CACNA1C: variants seen among roughly 807,000 people sequenced by gnomAD.
The protein encoded by CACNA1C is calcium voltage-gated channel subunit alpha1 C.
In CACNA1C, 30 loss-of-function variants were observed where a neutral mutation model predicts 229.0. The ratio of observed to expected loss-of-function variants is 0.13; its 90% CI spans 0.10 to 0.18. CACNA1C has a LOEUF of 0.18. CACNA1C is among the 10% of genes least tolerant of loss of function. The pLI, the probability that CACNA1C is intolerant of heterozygous loss-of-function variation, is 1.00. For synonymous variants in CACNA1C, 1,114 were observed against 1,132.5 expected (o/e 0.98, Z 0.33); for missense variants, 1,658 against 2,845.0 (o/e 0.58, Z 9.49).
chr12:2,582,180 A>T (rs1403300936), intron 14 of CACNA1C, among the ~76,000 whole-genome samples: 1 of 151,874 alleles, frequency 6.6e-6, no homozygotes, highest in Non-Finnish European at 1.5e-5. Flanking sequence ...GGAATCCTTT[A>T]CTTAAATTCT....
At chr12:2,487,222 T>G (rs2099701254) in intron 6 of CACNA1C, among the ~76,000 whole-genome samples, 1 of 151,840 alleles carries the variant, frequency 6.6e-6, no homozygotes, top group Non-Finnish European at 1.5e-5. Flanking sequence ...ATCCATCATC[T>G]TAGTTTTTAG....
intron 3 of CACNA1C, among the ~76,000 whole-genome samples, chr12:2,357,232 G>A (rs924749412): frequency 1.8e-4 from 28 of 152,180 alleles, no homozygotes; most frequent in African/African-American, 6.3e-4. Flanking sequence ...CTGGTTTCAA[G>A]TAGGTCTAAA....
chr12:2,302,914 G>A (rs544140228), intron 3 of CACNA1C, among the ~76,000 whole-genome samples: 162 of 152,350 alleles, frequency 1.1e-3, no homozygotes, highest in African/African-American at 3.5e-3. Flanking sequence ...TCCTGCTTTG[G>A]CTGGGCTTGC....
chr12:2,340,198 C>T (rs968439549), intron 3 of CACNA1C, among the ~76,000 whole-genome samples: 1 of 152,172 alleles, frequency 6.6e-6, no homozygotes, highest in Admixed American at 6.5e-5. Context: ...TACATAATAA[C>T]ATATATATGT....
At chr12:2,368,167 C>CT (rs1313777661) in intron 3 of CACNA1C, among the ~76,000 whole-genome samples, 1 of 73,588 alleles carries the variant, frequency 1.4e-5, no homozygotes, top group Admixed American at 1.5e-4. Flanking sequence ...AGAATGACAG[C>CT]TAATATGATA....
intron 1 of CACNA1C, among the ~76,000 whole-genome samples, chr12:2,056,604 GTAA>G (rs2055026208): frequency 6.6e-6 from 1 of 152,136 alleles, no homozygotes; most frequent in Non-Finnish European, 1.5e-5. Flanking sequence ...CTGTAATAAG[GTAA>G]TAATAATAAT....
chr12:2,387,207 G>A (rs530674554), intron 3 of CACNA1C, among the ~76,000 whole-genome samples: 4 of 152,270 alleles, frequency 2.6e-5, no homozygotes, highest in South Asian at 2.1e-4. Flanking sequence ...ATGACTGGCC[G>A]GGTGCAGTGG....
intron 30 of CACNA1C, among the ~76,000 whole-genome samples, chr12:2,645,195 T>C (rs1374164353): frequency 6.6e-6 from 1 of 152,208 alleles, no homozygotes; most frequent in Non-Finnish European, 1.5e-5. Flanking sequence ...TCAGGTTATG[T>C]AAGCAGCTCT....
chr12:2,322,891 CGT>C (rs1343842136), intron 3 of CACNA1C, among the ~76,000 whole-genome samples: 2 of 152,224 alleles, frequency 1.3e-5, no homozygotes, highest in East Asian at 3.8e-4. Context: ...ACTCCACAAA[CGT>C]GAGTGGTTGG....
rs1236794552 is a variant in CACNA1C, at chr12:2,142,724, G to C, written c.477+22294G>C. Among the ~76,000 whole-genome samples, 6 of 151,122 alleles carry C rather than the reference G, an allele frequency of 4.0e-5. 1 individual carries two copies. In the Admixed American group the frequency reaches 4.0e-4, roughly 10 times the overall value. On this transcript the variant is annotated intron_variant, in intron 3 of 46. Coordinates refer to ENST00000399655, the MANE Select transcript of CACNA1C (RefSeq NM_000719.7). ...CTTGATATCGACGATCCTGGCCTAG[G>C]CTAATGTGGACATTTGTGTGTTAGT...
chr12:2,052,951 C>T (rs932359828), upstream of CACNA1C: 5 of 977,954 alleles, frequency 5.1e-6, no homozygotes, highest in African/African-American at 7.1e-5. Context: ...GGGGCTGGGC[C>T]GGGGGGAGTG....
At position 2,448,086 on chromosome 12, in the gene CACNA1C, A is replaced by G. The variant is rs374049467; in HGVS notation, c.478-890A>G. Among the ~76,000 whole-genome samples the G allele has an allele frequency of 2.6e-4, 39 of 152,342 alleles. 1 individual carries two copies. In the South Asian group the frequency reaches 7.9e-3, roughly 31 times the overall value. ...TGGGATGGGGGTGTGGGAGAAAGCA[A>G]TTAGTGGCGAGGGACGTGCATGAAT... On this transcript the variant is annotated intron_variant, in intron 3 of 46. Transcript: ENST00000399655.
At chr12:2,261,551 C>T (rs1036081994) in intron 3 of CACNA1C, among the ~76,000 whole-genome samples, 2 of 152,180 alleles carry the variant, frequency 1.3e-5, no homozygotes, top group African/African-American at 2.4e-5. Context: ...CTCAGAGATC[C>T]TGCTGGGGTT....
intron 3 of CACNA1C, among the ~76,000 whole-genome samples, chr12:2,353,635 T>G (rs11833358): frequency 0.13 from 20,234 of 152,020 alleles, 4,337 homozygotes; most frequent in African/African-American, 0.45. Flanking sequence ...GTGCCCCCCA[T>G]TGTGTTGGGG....
chr12:2,278,984 G>A (rs1182710570), intron 3 of CACNA1C, among the ~76,000 whole-genome samples: 1 of 152,160 alleles, frequency 6.6e-6, no homozygotes, highest in Non-Finnish European at 1.5e-5. Context: ...TTTTCCTGAA[G>A]ACTAACAATA....
At chr12:2,089,045 C>T (rs2068963940) in intron 1 of CACNA1C, among the ~76,000 whole-genome samples, 1 of 152,156 alleles carries the variant, frequency 6.6e-6, no homozygotes, top group Non-Finnish European at 1.5e-5. Context: ...TTAGTCCAAC[C>T]AACTTGAAGT....
chr12:2,094,521 G>A (rs2072940142), intron 1 of CACNA1C, among the ~76,000 whole-genome samples: 1 of 152,164 alleles, frequency 6.6e-6, no homozygotes, highest in South Asian at 2.1e-4. Context: ...AACTTCTCCA[G>A]CACCCACTAG....
intron 8 of CACNA1C, among the ~76,000 whole-genome samples, chr12:2,509,293 T>C (rs1166290503): frequency 6.6e-6 from 1 of 152,066 alleles, no homozygotes; most frequent in Non-Finnish European, 1.5e-5. Context: ...GCAGAAGAGA[T>C]GGCCCAACAT....
Position 2,653,137 on chromosome 12 carries a change from T to C in CACNA1C, c.4075-698T>C, listed in dbSNP as rs2095190725. Among the ~76,000 whole-genome samples, 3 of 152,246 alleles carry C rather than the reference T, an allele frequency of 2.0e-5. No homozygotes were observed. Among genetic ancestry groups the C allele is most frequent in the African/African-American group, 4.8e-5 (2 of 41,458 alleles). ...TTAGTTGTCTGAGTTGCCAGGCAGATAATGCATGGAGCGAATAGAGCGTAT... is the reference window on the plus strand; with the variant it reads ...TTAGTTGTCTGAGTTGCCAGGCAGACAATGCATGGAGCGAATAGAGCGTAT... On this transcript the variant is annotated intron_variant, in intron 32 of 46. Coordinates refer to ENST00000399655, the MANE Select transcript of CACNA1C (RefSeq NM_000719.7). The surrounding 1 kb of genome is among the most constrained non-coding windows in gnomAD (Gnocchi z 4.7).
Sources: allele counts gnomAD v4.1 joint callset (sites outside exome capture counted in the v4.1 genomes callset), GRCh38; gene constraint gnomAD v4.1.1; non-coding constraint Gnocchi (gnomAD v3.1); transcripts MANE v1.5; gene names NCBI Gene and HGNC (gene_info 2026-07-23, HGNC 2026-07-21).